RASSF6: variants seen among roughly 807,000 people sequenced by gnomAD.
RASSF6 encodes the protein ras association domain-containing protein 6.
A neutral mutation model predicts 44.0 loss-of-function variants in RASSF6; 52 were observed. The observed-to-expected ratio is 1.18, with a 90% CI of 0.95 to 1.49. The LOEUF (loss-of-function observed/expected upper bound fraction) is 1.49. Among genes scored for constraint, RASSF6 ranks in the 40% most tolerant of loss-of-function variants. The pLI, the probability that RASSF6 is intolerant of heterozygous loss-of-function variation, is 0.00. For missense variants in RASSF6, 464 were observed against 393.3 expected, an observed-to-expected ratio of 1.18 and a Z score of -1.52; for synonymous variants, 162 against 124.6, an observed-to-expected ratio of 1.30 and a Z score of -2.00.
At chr4:73,598,230 T>G (rs537679258) in intron 3 of RASSF6, among the ~76,000 whole-genome samples, 1 of 152,342 alleles carries the variant, frequency 6.6e-6, no homozygotes, top group Admixed American at 6.5e-5. Flanking sequence ...GCATTCATTT[T>G]AAAACCCAAA....
At chr4:73,585,769 C>G (rs1303028568) in intron 5 of RASSF6, among the ~76,000 whole-genome samples, 1 of 151,778 alleles carries the variant, frequency 6.6e-6, no homozygotes, top group Non-Finnish European at 1.5e-5. Flanking sequence ...AAGTGGCTTT[C>G]CTATGGACAT....
At chr4:73,613,186 G>A (rs1208547089) in intron 1 of RASSF6, among the ~76,000 whole-genome samples, 1 of 152,148 alleles carries the variant, frequency 6.6e-6, no homozygotes, top group Non-Finnish European at 1.5e-5. Context: ...TCTCTAGTTG[G>A]AAATGGCATC....
intron 2 of RASSF6, among the ~76,000 whole-genome samples, chr4:73,607,471 C>T (rs929096211): frequency 3.9e-5 from 6 of 152,216 alleles, no homozygotes; most frequent in African/African-American, 1.2e-4. Context: ...AGTCAGATCT[C>T]TGTACAAACA....
chr4:73,602,600 C>T (rs1310819704), intron 2 of RASSF6, among the ~76,000 whole-genome samples: 1 of 152,162 alleles, frequency 6.6e-6, no homozygotes, highest in African/African-American at 2.4e-5. Flanking sequence ...CTGTTACATG[C>T]GGACCCCCTC....
chr4:73,593,433 AC>A lies in RASSF6; in HGVS notation c.287+17del. Reference sequence around the variant, plus strand: ...AAGATCATCTTCTGAGGAATTAAAAACATGAAAGATAGCTTACCCTTTGCTG... The same window carrying A: ...AAGATCATCTTCTGAGGAATTAAAAAATGAAAGATAGCTTACCCTTTGCTG... On this transcript the variant is annotated intron_variant, in intron 4 of 10. Coordinates refer to ENST00000307439, the MANE Select transcript of RASSF6 (RefSeq NM_177532.5). 3 of 1,588,488 alleles carry A rather than the reference AC, an allele frequency of 1.9e-6. No homozygotes were observed. The highest frequency in any genetic ancestry group is 1.7e-6 in the Non-Finnish European group (2 of 1,170,412).
chr4:73,584,633 T>G (rs781025100), intron 6 of RASSF6, among the ~76,000 whole-genome samples: 3 of 152,168 alleles, frequency 2.0e-5, no homozygotes, highest in Non-Finnish European at 4.4e-5. Flanking sequence ...TTCCTTTTAT[T>G]TAAATGTTCA....
At chr4:73,590,995 C>G (rs982211262) in intron 4 of RASSF6, among the ~76,000 whole-genome samples, 1 of 152,166 alleles carries the variant, frequency 6.6e-6, no homozygotes, top group Non-Finnish European at 1.5e-5. Flanking sequence ...GGCATATTAC[C>G]TTGTCCACCT....
intron 4 of RASSF6, among the ~76,000 whole-genome samples, chr4:73,589,933 C>G (rs550465040): frequency 3.9e-5 from 6 of 152,160 alleles, no homozygotes; most frequent in Non-Finnish European, 7.4e-5. Flanking sequence ...ACACCACTGA[C>G]GTTATTCAAA....
Position 73,616,368 on chromosome 4 carries a change from A to G in RASSF6, c.-35+3920T>C, listed in dbSNP as rs541541534. Among the ~76,000 whole-genome samples, 5 of 152,256 alleles carry G rather than the reference A, an allele frequency of 3.3e-5. No homozygotes were observed. The East Asian group carries it at 9.6e-4, about 29-fold the overall frequency. On this transcript the variant is annotated intron_variant, in intron 1 of 10. Coordinates refer to ENST00000307439, the MANE Select transcript of RASSF6 (RefSeq NM_177532.5). ...GGAAATTTTCTGTAGCTTTCTAATT[A>G]CTTACTGCTTTCTCTCTCTAACCAT...
Position 73,571,588 on chromosome 4 carries a change from A to T in RASSF6, c.*4647T>A, listed in dbSNP as rs1722924192. 1 of 152,014 alleles carries T rather than the reference A, an allele frequency of 6.6e-6. No individual in the cohort carries two copies. 9.4% of individuals were successfully genotyped at this position (152,014 alleles called of 1,614,324 possible). On this transcript the variant is annotated 3_prime_UTR_variant, in exon 11 of 11. Coordinates refer to ENST00000307439, the MANE Select transcript of RASSF6 (RefSeq NM_177532.5). ...TGTTTAATATTTTTTCAGCTATGGGACCAGACTTGTAATAAGTAATACATA... is the reference window on the plus strand; with the variant it reads ...TGTTTAATATTTTTTCAGCTATGGGTCCAGACTTGTAATAAGTAATACATA...
chr4:73,576,463 A>G lies in RASSF6; in HGVS notation c.885T>C (p.Ile295=). ...TCTCTTCTTCATTTAATCTTTGAAG[A>G]ATGGATTCCAAGAGAGAAAAGTGAA... ...INFHFSLLES[I]LQRLNEEEKR... is the part of the protein sequence containing the mutation. The change falls in exon 10 of 11, where the codon ATT becomes ATC. Residue 295 remains isoleucine, a synonymous_variant. Coordinates refer to ENST00000307439, the MANE Select transcript of RASSF6 (RefSeq NM_177532.5). 1 of 1,584,520 alleles carries G rather than the reference A, an allele frequency of 6.3e-7. No homozygotes were observed. Among genetic ancestry groups the G allele is most frequent in the African/African-American group, 1.4e-5 (1 of 73,978 alleles).
chr4:73,618,629 C>T lies in RASSF6; in HGVS notation c.-35+1659G>A, dbSNP rs77804716. On this transcript the variant is annotated intron_variant, in intron 1 of 10. Transcript: ENST00000307439. ...TAAACTGTACTAAACACAATCAGAC[C>T]CCAGAGGGAAATAACATAGTAAACT... Among the ~76,000 whole-genome samples, 1,445 of 152,046 alleles carry T rather than the reference C, an allele frequency of 9.5e-3. 26 individuals are homozygous for T. The highest frequency in any genetic ancestry group is 0.033 in the African/African-American group (1,371 of 41,460).
intron 3 of RASSF6, among the ~76,000 whole-genome samples, chr4:73,597,057 C>T (rs1004422557): frequency 2.6e-5 from 4 of 152,152 alleles, no homozygotes; most frequent in African/African-American, 9.7e-5. Flanking sequence ...AGGACACAGG[C>T]ATGGGCAAAG....
Position 73,574,127 on chromosome 4 carries a change from A to G in RASSF6, c.*2108T>C, listed in dbSNP as rs907177806. 5.9e-5 allele frequency: 9 copies of G among 152,366 alleles called. No individual in the cohort carries two copies. Among genetic ancestry groups the G allele is most frequent in the Non-Finnish European group, 1.0e-4 (7 of 68,264 alleles). 9.4% of individuals were successfully genotyped at this position (152,366 alleles called of 1,614,324 possible). A position where few individuals can be genotyped will look rare whatever the true frequency, so the allele number is the denominator to read the frequency against. On this transcript the variant is annotated 3_prime_UTR_variant, in exon 11 of 11. Transcript: ENST00000307439. ...AGTGCAAGCCGGTCCTGAAGCTCCA[A>G]TTGCTGCTCTCCATTTCTTCTCTTC...
intron 8 of RASSF6, among the ~76,000 whole-genome samples, chr4:73,580,169 A>C (rs2149364493): frequency 6.6e-6 from 1 of 151,480 alleles, no homozygotes; most frequent in East Asian, 1.9e-4. Flanking sequence ...GATGATTTCC[A>C]ATTTCATCCA....
At chr4:73,588,834 T>C (rs1042289784) in intron 4 of RASSF6, among the ~76,000 whole-genome samples, 3 of 130,356 alleles carry the variant, frequency 2.3e-5, no homozygotes, top group Non-Finnish European at 5.2e-5. Context: ...CATCTGTATC[T>C]ATTTCATTCC....
rs1724003453 is a variant in RASSF6, at chr4:73,585,321, C to T, written c.426G>A (p.Lys142=). The part of the protein sequence containing the change: ...YHSNTLKPHA[K]DEPDSPVLYR... The stretch of plus-strand genomic sequence containing the variant: ...AGAGCACTGGGGAGTCTGGTTCATC[C>T]TTTGCATGTGGCTTCAGGGTGTTGC... The change falls in exon 6 of 11, where the codon AAG becomes AAA. Residue 142 remains lysine, a synonymous_variant. Transcript: ENST00000307439. 1 of 1,608,798 alleles carries T rather than the reference C, an allele frequency of 6.2e-7. No homozygotes were observed. The highest frequency in any genetic ancestry group is 1.7e-5 in the Admixed American group (1 of 59,322).
intron 2 of RASSF6, among the ~76,000 whole-genome samples, chr4:73,602,008 G>A (rs1725308194): frequency 6.6e-6 from 1 of 152,142 alleles, no homozygotes. Flanking sequence ...CTTGGTTGGT[G>A]AGAATTAAAC....
At chr4:73,618,054 G>A (rs1276032439) in intron 1 of RASSF6, among the ~76,000 whole-genome samples, 1 of 151,910 alleles carries the variant, frequency 6.6e-6, no homozygotes, top group Non-Finnish European at 1.5e-5. Flanking sequence ...CAAGAATCAG[G>A]TATAGAACTT....
Sources: gnomAD v4.1 joint callset for allele counts (sites outside exome capture counted in the v4.1 genomes callset) on GRCh38, gnomAD v4.1.1 for gene constraint, MANE v1.5 for transcripts, NCBI Gene and HGNC (gene_info 2026-07-23, HGNC 2026-07-21) for gene names.